Variants in ITIH5 observed in about 807,000 individuals in gnomAD.
The protein encoded by ITIH5 is inter-alpha-trypsin inhibitor heavy chain 5.
In ITIH5, 65 loss-of-function variants were observed where a neutral mutation model predicts 77.5. The ratio of observed to expected loss-of-function variants is 0.84; its 90% CI spans 0.69 to 1.03. The LOEUF (loss-of-function observed/expected upper bound fraction) is 1.03. Ranked by LOEUF, ITIH5 falls within the 50% of genes least tolerant of loss-of-function variation. The pLI is 0.00. For missense variants in ITIH5, 1,208 were observed against 1,213.1 expected, an observed-to-expected ratio of 1.00 and a Z score of 0.06; for synonymous variants, 525 against 494.3, an observed-to-expected ratio of 1.06 and a Z score of -0.82.
rs189789587 is a variant in ITIH5 at position 7,576,620 on chromosome 10, C to T, written c.1811G>A (p.Arg604Gln). Residue 604 changes from arginine to glutamine, a missense_variant, in exon 10 of 14, where the codon CGG becomes CAG. Physicochemically the swap from Arg to Gln is conservative, Grantham distance 43 (BLOSUM62 1). Coordinates refer to ENST00000397146, the MANE Select transcript of ITIH5 (RefSeq NM_030569.7). Reference protein sequence around the residue: ...DEPEKERLRQRAQALAVSYRF... With the variant: ...DEPEKERLRQQAQALAVSYRF... ...GTAGCTCACAGCCAGGGCCTGGGCC[C>T]GCTGCCGCAGCCGCTCCTTCTCCGG... is the stretch of plus-strand genomic sequence containing the variant. The T allele has an allele frequency of 1.7e-3, 2,751 of 1,614,052 alleles. 35 individuals are homozygous for T. The African/African-American group carries it at 0.032, about 19-fold the overall frequency.
intron 2 of ITIH5, among the ~76,000 whole-genome samples, chr10:7,654,433 C>T (rs1003680423): frequency 6.6e-6 from 1 of 152,202 alleles, no homozygotes; most frequent in Non-Finnish European, 1.5e-5. Flanking sequence ...AGTGAACAGC[C>T]TCAGAAGACA....
chr10:7,619,596 G>C (rs1414394506), intron 5 of ITIH5: 2 of 393,018 alleles, frequency 5.1e-6, no homozygotes, highest in East Asian at 1.6e-4. Flanking sequence ...CGCATGGCTG[G>C]GGAAGCCTCG....
At chr10:7,603,587 T>G (rs1187997206) in intron 7 of ITIH5, among the ~76,000 whole-genome samples, 3 of 152,132 alleles carry the variant, frequency 2.0e-5, no homozygotes, top group Non-Finnish European at 4.4e-5. Flanking sequence ...TTTTGTTTTT[T>G]GTTTGCTTGT....
At chr10:7,646,714 C>T (rs900239639) in intron 2 of ITIH5, among the ~76,000 whole-genome samples, 7 of 152,152 alleles carry the variant, frequency 4.6e-5, no homozygotes, top group African/African-American at 1.2e-4. Flanking sequence ...CCCTCAATCC[C>T]CTCTATATAG....
chr10:7,581,162 A>G, intron 8 of ITIH5, among the ~76,000 whole-genome samples: 1 of 152,224 alleles, frequency 6.6e-6, no homozygotes. Flanking sequence ...CGGATGGCTA[A>G]GGTCAGAAAA....
In ITIH5 at chr10:7,568,058, C is replaced by G. The variant is rs74528321; in HGVS notation, c.2149+1610G>C. Among the ~76,000 whole-genome samples the G allele has an allele frequency of 2.5e-3, 388 of 152,186 alleles. 1 individual carries two copies. The highest frequency in any genetic ancestry group is 0.022 in the East Asian group (112 of 5,164). On this transcript the variant is annotated intron_variant, in intron 12 of 13. Coordinates refer to ENST00000397146, the MANE Select transcript of ITIH5 (RefSeq NM_030569.7). The stretch of plus-strand genomic sequence containing the variant: ...TCACTGGGGCTTTTCTGGACTTGAG[C>G]AAGGCCTGTGAACCAGGCCCCAGGG...
chr10:7,641,883 C>T (rs1456163832), intron 3 of ITIH5, 44 bp downstream of exon 3: 10 of 1,596,148 alleles, frequency 6.3e-6, no homozygotes, highest in Non-Finnish European at 7.7e-6. Context: ...TCAACCTGAC[C>T]ACCCTAGGCA....
At chr10:7,565,009 CATATA>C (rs1832113946) in intron 13 of ITIH5, among the ~76,000 whole-genome samples, 3 of 140,342 alleles carry the variant, frequency 2.1e-5, no homozygotes, top group African/African-American at 8.6e-5. Flanking sequence ...TGTATACCTA[CATATA>C]TACATATATA....
chr10:7,640,467 C>A (rs1408740776), intron 4 of ITIH5, among the ~76,000 whole-genome samples: 1 of 144,288 alleles, frequency 6.9e-6, no homozygotes, highest in African/African-American at 2.6e-5. Context: ...AAGAGTGAGA[C>A]CTCATTCCAA....
chr10:7,588,782 G>C (rs7069134), intron 7 of ITIH5, among the ~76,000 whole-genome samples: 151,859 of 152,372 alleles, frequency 1, 75,675 homozygotes, highest in Middle Eastern at 1. Context: ...AGGCATATGC[G>C]GAGTGTACAG....
intron 13 of ITIH5, among the ~76,000 whole-genome samples, chr10:7,565,099 CAT>C (rs1297304486): frequency 4.3e-5 from 6 of 138,152 alleles, no homozygotes; most frequent in East Asian, 4.0e-4. Context: ...CACACACACA[CAT>C]ACATATACAG....
intron 7 of ITIH5, among the ~76,000 whole-genome samples, chr10:7,588,384 G>A (rs1654177880): frequency 6.6e-6 from 1 of 152,214 alleles, no homozygotes; most frequent in South Asian, 2.1e-4. Flanking sequence ...GCTGGGCGTG[G>A]TGGCCCACCT....
chr10:7,644,246 A>T lies in ITIH5; in HGVS notation c.136-2156T>A, dbSNP rs186493898. Among the ~76,000 whole-genome samples, 114 of 147,338 alleles carry T rather than the reference A, an allele frequency of 7.7e-4. 1 individual carries two copies. Among genetic ancestry groups the T allele is most frequent in the Admixed American group, 2.2e-3 (33 of 14,888 alleles). On this transcript the variant is annotated intron_variant, in intron 2 of 13. Coordinates refer to ENST00000397146, the MANE Select transcript of ITIH5 (RefSeq NM_030569.7). ...GAGCAAGACCCTGTCACAGAAAAAAAATATATATATATATGTACATATATG... is the reference window on the plus strand; with the variant it reads ...GAGCAAGACCCTGTCACAGAAAAAATATATATATATATATGTACATATATG...
intron 2 of ITIH5, among the ~76,000 whole-genome samples, chr10:7,651,405 G>A (rs531959324): frequency 7.9e-5 from 12 of 152,152 alleles, no homozygotes; most frequent in East Asian, 3.9e-4. Flanking sequence ...CCAACATGGC[G>A]AAACCCATCT....
intron 5 of ITIH5, chr10:7,619,151 C>G (rs11255242): frequency 0.15 from 22,646 of 152,198 alleles, 1,830 homozygotes; most frequent in East Asian, 0.26. Context: ...TTAGACAGGA[C>G]AAAGAAACGG....
intron 5 of ITIH5, among the ~76,000 whole-genome samples, chr10:7,626,299 C>T (rs572340776): frequency 1.3e-5 from 2 of 152,186 alleles, no homozygotes; most frequent in Non-Finnish European, 2.9e-5. Flanking sequence ...AGCCTCTGTG[C>T]CACACTCTTG....
chr10:7,638,663 A>T (rs1322881337), intron 4 of ITIH5, among the ~76,000 whole-genome samples: 3 of 152,262 alleles, frequency 2.0e-5, no homozygotes, highest in Non-Finnish European at 2.9e-5. Flanking sequence ...TAAAGGTGAA[A>T]GCCAAGAAAG....
chr10:7,607,927 C>T (rs1025411750), intron 7 of ITIH5, among the ~76,000 whole-genome samples: 1 of 152,218 alleles, frequency 6.6e-6, no homozygotes, highest in African/African-American at 2.4e-5. Flanking sequence ...AAGCTAGACT[C>T]TTCTGATATT....
intron 13 of ITIH5, among the ~76,000 whole-genome samples, chr10:7,564,972 TATACAC>T (rs1360467415): frequency 1.4e-5 from 2 of 139,650 alleles, no homozygotes; most frequent in Admixed American, 7.0e-5. Flanking sequence ...TACATATACA[TATACAC>T]ACACGTTCAT....
Sources: allele counts gnomAD v4.1 joint callset (sites outside exome capture counted in the v4.1 genomes callset), GRCh38; gene constraint gnomAD v4.1.1; transcripts MANE v1.5; gene names NCBI Gene and HGNC (gene_info 2026-07-23, HGNC 2026-07-21).